The following AGBL3 variants were observed in gnomAD, a reference collection of about 807,000 sequenced individuals.
AGBL3 encodes the protein cytosolic carboxypeptidase 3.
In AGBL3, 68 loss-of-function variants were observed where a neutral mutation model predicts 94.5. The observed-to-expected ratio is 0.72, with a 90% CI of 0.59 to 0.88. The LOEUF (loss-of-function observed/expected upper bound fraction) is 0.88, where lower values mean the gene tolerates loss of function less well. AGBL3 is among the 40% of genes least tolerant of loss of function. AGBL3 has a pLI of 0.00. For synonymous variants in AGBL3, 354 were observed against 370.7 expected, an observed-to-expected ratio of 0.95 and a Z score of 0.52; for missense variants, 934 against 1,103.8, an observed-to-expected ratio of 0.85 and a Z score of 2.18.
In AGBL3 at chr7:135,067,446, G is replaced by A. The variant is rs1349918991; in HGVS notation, c.1908+8211G>A. Among the ~76,000 whole-genome samples the A allele has an allele frequency of 1.4e-4, 21 of 152,214 alleles. 1 individual carries two copies. Among genetic ancestry groups the A allele is most frequent in the Non-Finnish European group, 3.1e-4 (21 of 68,038 alleles). On this transcript the variant is annotated intron_variant, in intron 12 of 16. Coordinates refer to ENST00000436302, the MANE Select transcript of AGBL3 (RefSeq NM_178563.4). ...GAGAACGAGCAGACTGCCTCCTCAA[G>A]TGGGTCCCTGACCCCCGAGTAGCCT...
At chr7:135,000,238 T>G (rs1811547876) in intron 4 of AGBL3, among the ~76,000 whole-genome samples, 1 of 152,216 alleles carries the variant, frequency 6.6e-6, no homozygotes, top group Non-Finnish European at 1.5e-5. Flanking sequence ...TGTGTCAGCT[T>G]GACTGGGCCA....
At chr7:135,085,721 T>C (rs1392296158) in intron 15 of AGBL3, among the ~76,000 whole-genome samples, 4 of 152,040 alleles carry the variant, frequency 2.6e-5, no homozygotes, top group African/African-American at 9.7e-5. Context: ...TGTTTTTATG[T>C]TTTTAACCAT....
intron 7 of AGBL3, 103 bp from the exon 8 acceptor site, chr7:135,037,315 A>T (rs1816411453): frequency 2.0e-6 from 2 of 980,746 alleles, no homozygotes; most frequent in South Asian, 4.9e-5. Context: ...CTAGGATATA[A>T]GAAATTGTAT....
chr7:135,115,310 T>A, intron 15 of AGBL3, 70 bp from the exon 16 acceptor site: 1 of 1,039,364 alleles, frequency 9.6e-7, no homozygotes, highest in South Asian at 1.7e-5. Flanking sequence ...CCTTGGCATA[T>A]AATAATGCCC....
chr7:135,035,213 T>A (rs554403206), intron 7 of AGBL3, among the ~76,000 whole-genome samples: 1 of 152,082 alleles, frequency 6.6e-6, no homozygotes, highest in Non-Finnish European at 1.5e-5. Context: ...TATCCCAAAT[T>A]TGGCTTCTTG....
chr7:135,034,020 A>AAATGT, intron 6 of AGBL3, 129 bp from the exon 7 acceptor site: 1 of 881,256 alleles, frequency 1.1e-6, no homozygotes, highest in Non-Finnish European at 1.6e-6. Flanking sequence ...GTTTCCTAAC[A>AAATGT]AAGCTTTCTG....
rs1819180922 is a variant in AGBL3, at chr7:135,065,238, T to C, written c.1908+6003T>C. Among the ~76,000 whole-genome samples the C allele has an allele frequency of 2.6e-5, 4 of 152,212 alleles. No homozygotes were observed. The South Asian group carries it at 8.3e-4, about 32-fold the overall frequency. On this transcript the variant is annotated intron_variant, in intron 12 of 16. Transcript: ENST00000436302. Reference sequence around the variant, plus strand: ...TGTTCGTGAATCAGAAGAATTAATATTGTCAAAATGTCTATACTACCCAAA... The same window carrying C: ...TGTTCGTGAATCAGAAGAATTAATACTGTCAAAATGTCTATACTACCCAAA...
Position 135,119,687 on chromosome 7 carries a change from C to T in AGBL3, c.2342+4076C>T, listed in dbSNP as rs185263532. On this transcript the variant is annotated intron_variant, in intron 16 of 16. Coordinates refer to ENST00000436302, the MANE Select transcript of AGBL3 (RefSeq NM_178563.4). ...GTTCAGGAGATCAAGACCAACCTGG[C>T]TAACACGGTGAAACCCCGTCTCTAC... Among the ~76,000 whole-genome samples the T allele has an allele frequency of 1.1e-3, 160 of 152,138 alleles. 2 individuals are homozygous for T. Among genetic ancestry groups the T allele is most frequent in the African/African-American group, 3.8e-3 (158 of 41,550 alleles).
chr7:135,016,295 T>A (rs1813797410), intron 4 of AGBL3, among the ~76,000 whole-genome samples: 1 of 152,164 alleles, frequency 6.6e-6, no homozygotes, highest in Non-Finnish European at 1.5e-5. Context: ...TGCATCAATA[T>A]GGTAGACTGT....
At chr7:135,096,414 G>GGAAAGAAA (rs59684349) in intron 15 of AGBL3, among the ~76,000 whole-genome samples, 39 of 147,272 alleles carry the variant, frequency 2.6e-4, no homozygotes, top group South Asian at 1.3e-3. Flanking sequence ...GAGGAAGGAA[G>GGAAAGAAA]GAAAGAAAGA....
intron 5 of AGBL3, among the ~76,000 whole-genome samples, chr7:135,022,647 A>C (rs1814636354): frequency 6.6e-6 from 1 of 152,106 alleles, no homozygotes; most frequent in South Asian, 2.1e-4. Flanking sequence ...TTTGCTATGC[A>C]GATGCTCTTC....
chr7:135,027,225 T>G (rs1185329997), intron 5 of AGBL3, among the ~76,000 whole-genome samples: 10 of 151,490 alleles, frequency 6.6e-5, no homozygotes, highest in African/African-American at 2.4e-4. Context: ...TTTTTTGTAT[T>G]TTAGTAGAGA....
At chr7:135,032,475 T>TC (rs936324194) in intron 5 of AGBL3, among the ~76,000 whole-genome samples, 7 of 149,144 alleles carry the variant, frequency 4.7e-5, no homozygotes, top group African/African-American at 1.8e-4. Flanking sequence ...TGGCTAATTT[T>TC]TTTTTTTTTT....
intron 12 of AGBL3, among the ~76,000 whole-genome samples, chr7:135,061,059 A>G (rs1395570221): frequency 1.7e-5 from 2 of 116,764 alleles, no homozygotes; most frequent in African/African-American, 2.9e-5. Flanking sequence ...AACACTAATT[A>G]TCTTTTTTTT....
chr7:135,127,795 T>C (rs1466057963), intron 16 of AGBL3, among the ~76,000 whole-genome samples: 1 of 152,136 alleles, frequency 6.6e-6, no homozygotes, highest in Non-Finnish European at 1.5e-5. Flanking sequence ...GAACCAGAAC[T>C]ACCATTTGAC....
intron 12 of AGBL3, among the ~76,000 whole-genome samples, chr7:135,061,001 T>G (rs1584972373): frequency 6.6e-6 from 1 of 152,212 alleles, no homozygotes; most frequent in East Asian, 1.9e-4. Flanking sequence ...CTGTACTAAT[T>G]TATATTCCCA....
intron 13 of AGBL3, among the ~76,000 whole-genome samples, chr7:135,077,218 A>G (rs1250152761): frequency 6.6e-6 from 1 of 152,144 alleles, no homozygotes; most frequent in Admixed American, 6.6e-5. Context: ...CGGACAAGAG[A>G]TGGGGGCTCC....
At chr7:135,076,939 G>C (rs1820508494) in intron 13 of AGBL3, among the ~76,000 whole-genome samples, 1 of 152,072 alleles carries the variant, frequency 6.6e-6, no homozygotes, top group South Asian at 2.1e-4. Context: ...TGGTCTTAAG[G>C]TTATACAGCA....
At chr7:135,024,594 C>T (rs1054963068) in intron 5 of AGBL3, among the ~76,000 whole-genome samples, 1 of 152,104 alleles carries the variant, frequency 6.6e-6, no homozygotes, top group African/African-American at 2.4e-5. Flanking sequence ...TCTGAGTGTC[C>T]CTTTACCTCC....
Sources: allele counts gnomAD v4.1 joint callset (sites outside exome capture counted in the v4.1 genomes callset), GRCh38; gene constraint gnomAD v4.1.1; transcripts MANE v1.5; gene names NCBI Gene and HGNC (gene_info 2026-07-23, HGNC 2026-07-21).